ATP6V1H: variants seen among roughly 807,000 people sequenced by gnomAD.
ATP6V1H encodes V-type proton ATPase subunit H.
Under a neutral mutation model 71.7 loss-of-function variants are expected in ATP6V1H, and 39 were observed. The ratio of observed to expected loss-of-function variants is 0.54; its 90% CI spans 0.42 to 0.71. The LOEUF (loss-of-function observed/expected upper bound fraction) is 0.71, where lower values mean the gene tolerates loss of function less well. Ranked by LOEUF, ATP6V1H falls within the 30% of genes least tolerant of loss-of-function variation. The pLI, the probability that ATP6V1H is intolerant of heterozygous loss-of-function variation, is 0.00. For synonymous variants in ATP6V1H, 192 were observed against 199.3 expected (o/e 0.96, Z 0.31); for missense variants, 509 against 594.9 (o/e 0.86, Z 1.50).
intron 13 of ATP6V1H, among the ~76,000 whole-genome samples, chr8:53,724,842 T>TA (rs1429956649): frequency 1.3e-5 from 2 of 149,156 alleles, no homozygotes; most frequent in Non-Finnish European, 3.0e-5. Context: ...CCTTGAGACA[T>TA]AACCTTGTCT....
chr8:53,756,252 T>TA (rs1278719006), intron 12 of ATP6V1H: 84 of 165,182 alleles, frequency 5.1e-4, no homozygotes, highest in Admixed American at 1.7e-3. Context: ...TTTCTTTTTT[T>TA]TTTTTTTTTG....
chr8:53,783,821 G>C (rs1430904289), intron 9 of ATP6V1H, among the ~76,000 whole-genome samples: 3 of 152,178 alleles, frequency 2.0e-5, no homozygotes, highest in Admixed American at 2.0e-4. Context: ...TTCAGGAGCA[G>C]GTTGTTCAGT....
intron 12 of ATP6V1H, among the ~76,000 whole-genome samples, chr8:53,755,463 G>A (rs867016542): frequency 5.2e-5 from 7 of 133,446 alleles, no homozygotes; most frequent in Non-Finnish European, 3.1e-5. Flanking sequence ...GACTTGGCAA[G>A]CACTAACCAA....
At chr8:53,775,531 TTAGA>T (rs1808845151) in intron 9 of ATP6V1H, among the ~76,000 whole-genome samples, 1 of 150,700 alleles carries the variant, frequency 6.6e-6, no homozygotes, top group Non-Finnish European at 1.5e-5. Flanking sequence ...ATCAGATTAG[TTAGA>T]TACAGAGTTT....
At chr8:53,732,714 G>A (rs1267265831) in intron 13 of ATP6V1H, among the ~76,000 whole-genome samples, 1 of 150,340 alleles carries the variant, frequency 6.7e-6, no homozygotes, top group African/African-American at 2.4e-5. Flanking sequence ...CCAGCAGACA[G>A]AATTAAAAGA....
intron 13 of ATP6V1H, among the ~76,000 whole-genome samples, chr8:53,740,446 G>A (rs1471612783): frequency 6.6e-6 from 1 of 152,216 alleles, no homozygotes; most frequent in Non-Finnish European, 1.5e-5. Flanking sequence ...CTGTCACGCA[G>A]ACCTTCATGC....
chr8:53,721,044 A>G lies in ATP6V1H; in HGVS notation c.1392-5020T>C, dbSNP rs543624989. Reference sequence around the variant, plus strand: ...AGCTGGTATAATGTAAATCATTAACAAACTATTCTTTTCTAAATATATAAA... The same window carrying G: ...AGCTGGTATAATGTAAATCATTAACGAACTATTCTTTTCTAAATATATAAA... On this transcript the variant is annotated intron_variant, in intron 13 of 13. Coordinates refer to ENST00000359530, the MANE Select transcript of ATP6V1H (RefSeq NM_015941.4). 3.3e-5 allele frequency among the ~76,000 whole-genome samples: 5 copies of G among 152,354 alleles called. No homozygotes were observed. The South Asian group carries it at 1.0e-3, about 32-fold the overall frequency.
chr8:53,800,398 C>G lies in ATP6V1H; in HGVS notation c.677+1401G>C, dbSNP rs548772601. Among the ~76,000 whole-genome samples the G allele has an allele frequency of 5.9e-4, 90 of 152,272 alleles. 1 individual carries two copies. Among genetic ancestry groups the G allele is most frequent in the African/African-American group, 2.0e-3 (85 of 41,558 alleles). On this transcript the variant is annotated intron_variant, in intron 8 of 13. Coordinates refer to ENST00000359530, the MANE Select transcript of ATP6V1H (RefSeq NM_015941.4). Reference sequence around the variant, plus strand: ...ATTTTCTGCCCATAATAATGACCAACAGAGGAAAGTGTTTCACAATTATTA... The same window carrying G: ...ATTTTCTGCCCATAATAATGACCAAGAGAGGAAAGTGTTTCACAATTATTA...
At chr8:53,771,914 G>A (rs546521450) in intron 10 of ATP6V1H, 75 bp downstream of exon 10, 4 of 1,360,810 alleles carry the variant, frequency 2.9e-6, no homozygotes, top group East Asian at 4.6e-5. Flanking sequence ...ACAAATTCAG[G>A]TTTTCTTAAA....
At chr8:53,798,568 G>GA (rs745641636) in intron 8 of ATP6V1H, among the ~76,000 whole-genome samples, 10 of 150,844 alleles carry the variant, frequency 6.6e-5, no homozygotes, top group South Asian at 6.3e-4. Context: ...GGCTATACTT[G>GA]AAAATTTTTC....
intron 2 of ATP6V1H, chr8:53,839,582 T>TA (rs1287194101): frequency 1.0e-6 from 1 of 983,624 alleles, no homozygotes; most frequent in African/African-American, 1.7e-5. Context: ...TGGTTACTGC[T>TA]ATAGCTTCTC....
At chr8:53,745,351 T>C (rs1475603197) in intron 12 of ATP6V1H, among the ~76,000 whole-genome samples, 2 of 152,050 alleles carry the variant, frequency 1.3e-5, no homozygotes, top group African/African-American at 2.4e-5. Flanking sequence ...TGAGCTATGA[T>C]TGCACCACTG....
intron 13 of ATP6V1H, among the ~76,000 whole-genome samples, chr8:53,738,079 C>T (rs1807288612): frequency 6.6e-6 from 1 of 152,094 alleles, no homozygotes; most frequent in Admixed American, 6.5e-5. Flanking sequence ...TTTTAGTATA[C>T]TCTGCCAACC....
chr8:53,773,939 G>A (rs144148228), intron 9 of ATP6V1H, among the ~76,000 whole-genome samples: 3 of 152,096 alleles, frequency 2.0e-5, no homozygotes, highest in African/African-American at 7.2e-5. Flanking sequence ...AAGAGTAAGT[G>A]AACTTGAAAA....
intron 13 of ATP6V1H, among the ~76,000 whole-genome samples, chr8:53,718,292 C>T (rs1481761291): frequency 6.6e-6 from 1 of 152,156 alleles, no homozygotes; most frequent in Non-Finnish European, 1.5e-5. Context: ...CGTAAAGACA[C>T]ATGCAGCCAC....
intron 12 of ATP6V1H, among the ~76,000 whole-genome samples, chr8:53,754,727 C>A (rs1807937299): frequency 6.6e-6 from 1 of 152,210 alleles, no homozygotes; most frequent in Non-Finnish European, 1.5e-5. Context: ...CATTGTGCCC[C>A]TGGAAAGTGG....
At chr8:53,770,075 G>A (rs1808602346) in intron 10 of ATP6V1H, among the ~76,000 whole-genome samples, 1 of 152,040 alleles carries the variant, frequency 6.6e-6, no homozygotes, top group Non-Finnish European at 1.5e-5. Flanking sequence ...TTTCTACCAT[G>A]ACACTTGAAA....
At chr8:53,798,192 A>G (rs1030885579) in intron 8 of ATP6V1H, among the ~76,000 whole-genome samples, 2 of 152,226 alleles carry the variant, frequency 1.3e-5, no homozygotes, top group Non-Finnish European at 2.9e-5. Flanking sequence ...TAAAAAAGTC[A>G]GCAAACTATA....
intron 9 of ATP6V1H, 58 bp from the exon 10 acceptor site, chr8:53,772,225 A>G (rs1260814267): frequency 7.4e-7 from 1 of 1,349,144 alleles, no homozygotes; most frequent in African/African-American, 1.5e-5. Flanking sequence ...ATGGATTCAG[A>G]GACCTCTGCA....
Sources: allele counts gnomAD v4.1 joint callset (sites outside exome capture counted in the v4.1 genomes callset), GRCh38; gene constraint gnomAD v4.1.1; transcripts MANE v1.5; gene names NCBI Gene and HGNC (gene_info 2026-07-23, HGNC 2026-07-21).